TRIM38: variants seen among roughly 807,000 people sequenced by gnomAD.
The protein encoded by TRIM38 is E3 ubiquitin-protein ligase TRIM38.
Under a neutral mutation model 35.8 loss-of-function variants are expected in TRIM38, and 35 were observed. That is an observed-to-expected ratio of 0.98 (90% CI 0.75 to 1.30). The LOEUF (loss-of-function observed/expected upper bound fraction) is 1.30. Among genes scored for constraint, TRIM38 ranks in the 50% most tolerant of loss-of-function variants. The pLI is 0.00. For synonymous variants in TRIM38, 198 were observed against 204.7 expected (o/e 0.97, Z 0.28); for missense variants, 545 against 556.9 (o/e 0.98, Z 0.21).
At chr6:25,972,489 C>A (rs1332129294) in intron 5 of TRIM38, among the ~76,000 whole-genome samples, 1 of 152,174 alleles carries the variant, frequency 6.6e-6, no homozygotes, top group Non-Finnish European at 1.5e-5. Context: ...ATGGTACAAT[C>A]TACAGCTTTA....
rs905148838 is a variant in TRIM38 at position 25,990,180 on chromosome 6, A to G, written c.*6493A>G. The G allele has an allele frequency of 2.0e-5, 3 of 152,056 alleles. No homozygotes were observed. The highest frequency in any genetic ancestry group is 2.9e-5 in the Non-Finnish European group (2 of 68,024). 9.4% of individuals were successfully genotyped at this position (152,056 alleles called of 1,614,324 possible). On this transcript the variant is annotated 3_prime_UTR_variant, in exon 8 of 8. Coordinates refer to ENST00000357085, the MANE Select transcript of TRIM38 (RefSeq NM_006355.5). ...CTGCTACAGGATATTTGCAATTGCC[A>G]TTTATCATGAAATTCATGACATACC...
In TRIM38 at chr6:25,969,388, C is replaced by T. The variant is rs1351831811; in HGVS notation, c.475C>T (p.Leu159=). ...TGAAGACAGATGTACGGAGCAGAAG[C>T]TGTCCACAGCAATGCGAATAACTAA... The part of the protein sequence containing the change: ...QLEDRCTEQK[L]STAMRITKWK... The change falls in exon 4 of 8, where the codon CTG becomes TTG. Residue 159 remains leucine, a synonymous_variant. Coordinates refer to ENST00000357085, the MANE Select transcript of TRIM38 (RefSeq NM_006355.5). 1 of 1,611,434 alleles carries T rather than the reference C, an allele frequency of 6.2e-7. No homozygotes were observed. Among genetic ancestry groups the T allele is most frequent in the Non-Finnish European group, 8.5e-7 (1 of 1,178,740 alleles).
chr6:25,963,672 T>G lies in TRIM38; in HGVS notation c.-189+390T>G, dbSNP rs375845370. 3.0e-4 allele frequency among the ~76,000 whole-genome samples: 45 copies of G among 152,328 alleles called. No homozygotes were observed. In the East Asian group the frequency reaches 8.5e-3, roughly 29 times the overall value. The stretch of plus-strand genomic sequence containing the variant: ...AACTGCTCCTCAGGAGCAAACCCTC[T>G]GCTCTGCAGCCTTCTTTCCAATTCT... On this transcript the variant is annotated intron_variant, in intron 2 of 7. Coordinates refer to ENST00000357085, the MANE Select transcript of TRIM38 (RefSeq NM_006355.5).
chr6:25,988,622 T>C lies in TRIM38; in HGVS notation c.*4935T>C, dbSNP rs1760781325. On this transcript the variant is annotated 3_prime_UTR_variant, in exon 8 of 8. Coordinates refer to ENST00000357085, the MANE Select transcript of TRIM38 (RefSeq NM_006355.5). ...GATTCTCATATCTCAGCCTCCCGAG[T>C]AGCTGGGATTACAGGCTCACGCCAC... 1 of 150,636 alleles carries C rather than the reference T, an allele frequency of 6.6e-6. No individual in the cohort carries two copies. Among genetic ancestry groups the C allele is most frequent in the Admixed American group, 6.7e-5 (1 of 15,028 alleles). The allele number at this position is 150,636 out of a possible 1,614,324, so 9.3% of individuals were successfully genotyped here. A position where few individuals can be genotyped will look rare whatever the true frequency, so the allele number is the denominator to read the frequency against.
At chr6:25,963,522 T>C (rs1254769508) in intron 2 of TRIM38, among the ~76,000 whole-genome samples, 1 of 152,132 alleles carries the variant, frequency 6.6e-6, no homozygotes, top group African/African-American at 2.4e-5. Flanking sequence ...CCCTACCTCC[T>C]TGGGTCTGCA....
At chr6:25,979,789 T>G (rs1760495810) in intron 7 of TRIM38, among the ~76,000 whole-genome samples, 1 of 152,038 alleles carries the variant, frequency 6.6e-6, no homozygotes, top group South Asian at 2.1e-4. Flanking sequence ...CTTGGCTCAT[T>G]AATGTTCAGC....
At chr6:25,978,944 A>G (rs113830155) in intron 7 of TRIM38, among the ~76,000 whole-genome samples, 1,804 of 152,278 alleles carry the variant, frequency 0.012, 28 homozygotes, top group African/African-American at 0.033. Context: ...CTGGGATTAC[A>G]GGCATGAGTC....
rs773408033 is a variant in TRIM38, at chr6:25,983,478, A to T, written c.1189A>T (p.Thr397Ser). 1.9e-6 allele frequency: 3 copies of T among 1,614,010 alleles called. No homozygotes were observed. The highest frequency in any genetic ancestry group is 2.5e-6 in the Non-Finnish European group (3 of 1,180,038). Residue 397 changes from threonine (T) to serine (S), a missense_variant, in exon 8 of 8, where the codon ACT becomes TCT. Thr to Ser is a moderately conservative substitution (Grantham distance 58). Transcript: ENST00000357085. Reference sequence around the variant, plus strand: ...CAAAAAGAAAGGCTATGTAGCACTTACTTCTCCCCCAACTTCCCTTCATCT... The same window carrying T: ...CAAAAAGAAAGGCTATGTAGCACTTTCTTCTCCCCCAACTTCCCTTCATCT... ...LCKKKGYVAL[T>S]SPPTSLHLHE... is the part of the protein sequence containing the mutation.
intron 3 of TRIM38, among the ~76,000 whole-genome samples, chr6:25,968,116 A>G (rs888939120): frequency 6.6e-6 from 1 of 152,034 alleles, no homozygotes; most frequent in Admixed American, 6.5e-5. Context: ...ATTTGAGGAA[A>G]ATGTTGTCTC....
chr6:25,970,986 T>C (rs1273655207), intron 4 of TRIM38, among the ~76,000 whole-genome samples: 1 of 152,118 alleles, frequency 6.6e-6, no homozygotes. Context: ...TATTTCTCAG[T>C]TAACCATAAT....
chr6:25,978,898 A>C (rs967697421), intron 7 of TRIM38, among the ~76,000 whole-genome samples: 2 of 151,474 alleles, frequency 1.3e-5, no homozygotes, highest in Non-Finnish European at 2.9e-5. Context: ...AAACTCTTGG[A>C]CTCAAGTGAT....
intron 7 of TRIM38, among the ~76,000 whole-genome samples, chr6:25,979,556 C>T (rs996751795): frequency 6.6e-6 from 1 of 151,882 alleles, no homozygotes; most frequent in African/African-American, 2.4e-5. Context: ...TTTCTGTATT[C>T]ATTCCATTTG....
rs1182611170 is a variant in TRIM38, at chr6:25,966,914, A to G, written c.392A>G (p.Asp131Gly). 1 of 1,608,046 alleles carries G rather than the reference A, an allele frequency of 6.2e-7. No individual in the cohort carries two copies. Among genetic ancestry groups the G allele is most frequent in the Non-Finnish European group, 8.5e-7 (1 of 1,175,186 alleles). ...GGGCACACCACAGCTCTTGTTGAAG[A>G]CGTATGCCAGGGCTACAAGGTGAGT... ...HKGHTTALVE[D>G]VCQGYKEKLQ... Residue 131 changes from aspartate to glycine, a missense_variant, in exon 3 of 8, where the codon GAC becomes GGC. Coordinates refer to ENST00000357085, the MANE Select transcript of TRIM38 (RefSeq NM_006355.5).
At chr6:25,973,448 T>G in intron 7 of TRIM38, 163 bp downstream of exon 7, 1 of 985,434 alleles carries the variant, frequency 1.0e-6, no homozygotes, top group Non-Finnish European at 1.2e-6. Flanking sequence ...CACTGCTCAG[T>G]GAATGTGATG....
At chr6:25,972,202 G>T (rs932949229) in intron 5 of TRIM38, 103 bp downstream of exon 5, 1 of 1,022,166 alleles carries the variant, frequency 9.8e-7, no homozygotes, top group Non-Finnish European at 1.4e-6. Context: ...TCTTTTAGAT[G>T]TACATCAGTG....
intron 7 of TRIM38, among the ~76,000 whole-genome samples, chr6:25,980,458 T>C (rs1314074784): frequency 6.6e-6 from 1 of 151,922 alleles, no homozygotes; most frequent in Non-Finnish European, 1.5e-5. Flanking sequence ...TCTCTCTCTG[T>C]CACCCAGGCT....
In TRIM38 at chr6:25,973,216, G is replaced by C. The variant is rs765047550; in HGVS notation, c.805G>C (p.Glu269Gln). 1 of 1,614,142 alleles carries C rather than the reference G, an allele frequency of 6.2e-7. No homozygotes were observed. Among genetic ancestry groups the C allele is most frequent in the South Asian group, 1.1e-5 (1 of 91,070 alleles). Residue 269 changes from glutamate (E) to glutamine (Q), a missense_variant, in exon 7 of 8, where the codon GAA (glutamate) becomes CAA (glutamine). By Grantham distance (29) the Glu-to-Gln change is conservative. Transcript: ENST00000357085. Reference sequence around the variant, plus strand: ...GGAAACATCAGAGGCTGTCTCCTTGGAACTTCATACTATGTGCAATGTTTC... The same window carrying C: ...GGAAACATCAGAGGCTGTCTCCTTGCAACTTCATACTATGTGCAATGTTTC... ...KLETSEAVSL[E>Q]LHTMCNVSKL...
At chr6:25,973,539 G>T (rs191358490) in intron 7 of TRIM38, 6 of 980,394 alleles carry the variant, frequency 6.1e-6, no homozygotes, top group Non-Finnish European at 7.3e-6. Flanking sequence ...CAAGTGACTT[G>T]GTTTCCCCCT....
rs189220702 is a variant in TRIM38 at position 25,988,267 on chromosome 6, G to A, written c.*4580G>A. 6.6e-6 allele frequency: 1 copy of A among 152,084 alleles called. No homozygotes were observed. The highest frequency in any genetic ancestry group is 2.4e-5 in the African/African-American group (1 of 41,404). 9.4% of individuals were successfully genotyped at this position (152,084 alleles called of 1,614,324 possible). A position where few individuals can be genotyped will look rare whatever the true frequency, so the allele number is the denominator to read the frequency against. On this transcript the variant is annotated 3_prime_UTR_variant, in exon 8 of 8. Coordinates refer to ENST00000357085, the MANE Select transcript of TRIM38 (RefSeq NM_006355.5). ...CTCAGCAAGGAGCAGTACCTGTTCT[G>A]CTGTTGTACACTGCTGCTTCAGTAA...
Sources: allele counts gnomAD v4.1 joint callset (sites outside exome capture counted in the v4.1 genomes callset), GRCh38; gene constraint gnomAD v4.1.1; transcripts MANE v1.5; gene names NCBI Gene and HGNC (gene_info 2026-07-23, HGNC 2026-07-21).